The following EYA2 variants were observed in gnomAD, a reference collection of about 807,000 sequenced individuals.
EYA2 encodes protein phosphatase EYA2.
A neutral mutation model predicts 69.2 loss-of-function variants in EYA2; 31 were observed. The ratio of observed to expected loss-of-function variants is 0.45; its 90% CI spans 0.34 to 0.60. EYA2 has a LOEUF of 0.60. Ranked by LOEUF, EYA2 falls within the 20% of genes least tolerant of loss-of-function variation. The pLI is 0.02. For synonymous variants in EYA2, 257 were observed against 279.4 expected, an observed-to-expected ratio of 0.92 and a Z score of 0.80; for missense variants, 622 against 701.2, an observed-to-expected ratio of 0.89 and a Z score of 1.28.
chr20:47,126,407 C>T (rs1196297738), intron 9 of EYA2, among the ~76,000 whole-genome samples: 1 of 152,122 alleles, frequency 6.6e-6, no homozygotes, highest in Non-Finnish European at 1.5e-5. Flanking sequence ...CGTGGGTTTT[C>T]GTGAGGTTAA....
intron 9 of EYA2, among the ~76,000 whole-genome samples, chr20:47,105,033 A>T (rs186248294): frequency 6.2e-4 from 95 of 152,292 alleles, no homozygotes; most frequent in South Asian, 4.1e-3. Flanking sequence ...AAATTTTTTT[A>T]AAAAATCAAT....
intron 10 of EYA2, among the ~76,000 whole-genome samples, chr20:47,155,835 G>A (rs2033911388): frequency 6.6e-6 from 1 of 151,120 alleles, no homozygotes; most frequent in South Asian, 2.1e-4. Flanking sequence ...AGTTTGAGAT[G>A]AACTAGGAAG....
intron 10 of EYA2, among the ~76,000 whole-genome samples, chr20:47,156,121 CACACACATATATATATATATATAT>C (rs2033932558): frequency 1.2e-4 from 3 of 24,394 alleles, no homozygotes; most frequent in African/African-American, 6.4e-4. Flanking sequence ...CACACACACA[CACACACATATATATATATATATAT>C]ATATATATAT....
At chr20:46,896,768 CT>C (rs916202984) in intron 1 of EYA2, among the ~76,000 whole-genome samples, 1 of 152,048 alleles carries the variant, frequency 6.6e-6, no homozygotes, top group African/African-American at 2.4e-5. Context: ...AGAGCCTGAA[CT>C]TTTTTTTACT....
chr20:47,079,839 C>A (rs1223992994), intron 7 of EYA2, among the ~76,000 whole-genome samples: 1 of 151,888 alleles, frequency 6.6e-6, no homozygotes, highest in Non-Finnish European at 1.5e-5. Context: ...TAATGTGAGC[C>A]TGAGTTTTTT....
intron 4 of EYA2, among the ~76,000 whole-genome samples, chr20:47,008,920 G>C (rs955581583): frequency 6.6e-6 from 1 of 152,214 alleles, no homozygotes; most frequent in African/African-American, 2.4e-5. Flanking sequence ...GGCCCAGGTG[G>C]TAAATACTTT....
At chr20:47,009,484 A>G (rs901651925) in intron 4 of EYA2, among the ~76,000 whole-genome samples, 6 of 152,358 alleles carry the variant, frequency 3.9e-5, no homozygotes, top group Admixed American at 1.3e-4. Flanking sequence ...TTAAAGACAT[A>G]CATAATAGAG....
chr20:47,159,557 ACAG>A (rs2034022187), intron 10 of EYA2, among the ~76,000 whole-genome samples: 1 of 152,064 alleles, frequency 6.6e-6, no homozygotes, highest in African/African-American at 2.4e-5. Context: ...TAAGTAATTG[ACAG>A]TAGTTAACAC....
At chr20:46,969,585 G>T (rs1214276174) in intron 1 of EYA2, among the ~76,000 whole-genome samples, 2 of 152,106 alleles carry the variant, frequency 1.3e-5, no homozygotes, top group African/African-American at 2.4e-5. Context: ...TGTTGTTGTT[G>T]TTTTTTATTT....
Position 47,123,820 on chromosome 20 carries a change from C to T in EYA2, c.889-19239C>T, listed in dbSNP as rs149676341. Among the ~76,000 whole-genome samples, 1,357 of 151,992 alleles carry T rather than the reference C, an allele frequency of 8.9e-3. 17 individuals carry two copies. Among genetic ancestry groups the T allele is most frequent in the African/African-American group, 0.03 (1,259 of 41,432 alleles). On this transcript the variant is annotated intron_variant, in intron 9 of 15. Coordinates refer to ENST00000327619, the MANE Select transcript of EYA2 (RefSeq NM_005244.5). ...AGCCTGGCCAACATGGTGAAACCCC[C>T]GTCTCTACTAAAAATACAAAAATTA...
At chr20:47,037,951 A>G (rs1255785294) in intron 5 of EYA2, among the ~76,000 whole-genome samples, 3 of 152,210 alleles carry the variant, frequency 2.0e-5, no homozygotes, top group Admixed American at 6.5e-5. Flanking sequence ...ACACGTGTTC[A>G]TCATTCAACA....
chr20:47,099,064 G>A (rs2032350315), intron 9 of EYA2, among the ~76,000 whole-genome samples: 1 of 152,236 alleles, frequency 6.6e-6, no homozygotes, highest in Admixed American at 6.5e-5. Flanking sequence ...GGAGGGAAAG[G>A]AAGCCAATAC....
chr20:46,904,119 G>A (rs1052448799), intron 1 of EYA2, among the ~76,000 whole-genome samples: 2 of 152,104 alleles, frequency 1.3e-5, no homozygotes, highest in African/African-American at 2.4e-5. Context: ...CATCACTCAC[G>A]GACTGCCATC....
intron 1 of EYA2, among the ~76,000 whole-genome samples, chr20:46,982,775 CTTTTT>C (rs10701469): frequency 7.3e-6 from 1 of 137,406 alleles, no homozygotes; most frequent in Non-Finnish European, 1.5e-5. Flanking sequence ...CTGTAATTTC[CTTTTT>C]TTTTTTTTTT....
At chr20:47,182,255 T>C (rs2034551277) in intron 14 of EYA2, among the ~76,000 whole-genome samples, 1 of 151,888 alleles carries the variant, frequency 6.6e-6, no homozygotes, top group African/African-American at 2.4e-5. Flanking sequence ...CCTCAGGTGA[T>C]CCATCTGCCT....
chr20:46,921,458 C>T lies in EYA2; in HGVS notation c.-11+26471C>T, dbSNP rs918188797. Reference sequence around the variant, plus strand: ...TTTTCTTTTCTTTCTTCTCCTTTCTCGTTTCTACTGCACCTTCAGGCCATT... The same window carrying T: ...TTTTCTTTTCTTTCTTCTCCTTTCTTGTTTCTACTGCACCTTCAGGCCATT... On this transcript the variant is annotated intron_variant, in intron 1 of 15. Coordinates refer to ENST00000327619, the MANE Select transcript of EYA2 (RefSeq NM_005244.5). Among the ~76,000 whole-genome samples the T allele has an allele frequency of 2.6e-5, 4 of 152,220 alleles. No individual in the cohort carries two copies. The South Asian group carries it at 6.2e-4, about 24-fold the overall frequency.
At chr20:46,897,186 T>G (rs1288679707) in intron 1 of EYA2, among the ~76,000 whole-genome samples, 1 of 152,198 alleles carries the variant, frequency 6.6e-6, no homozygotes, top group Non-Finnish European at 1.5e-5. Flanking sequence ...TGCTTTAAAT[T>G]GCGTGTAAGA....
At chr20:46,934,610 A>G (rs1001015948) in intron 1 of EYA2, among the ~76,000 whole-genome samples, 1 of 152,210 alleles carries the variant, frequency 6.6e-6, no homozygotes, top group Non-Finnish European at 1.5e-5. Flanking sequence ...GGATGCTGCT[A>G]GGGAAGAGGA....
At chr20:47,077,765 A>G (rs905727243) in intron 7 of EYA2, among the ~76,000 whole-genome samples, 3 of 152,232 alleles carry the variant, frequency 2.0e-5, no homozygotes, top group Non-Finnish European at 2.9e-5. Flanking sequence ...AGAATATTTA[A>G]TGATGCATAG....
Sources: gnomAD v4.1 joint callset for allele counts (sites outside exome capture counted in the v4.1 genomes callset) on GRCh38, gnomAD v4.1.1 for gene constraint, MANE v1.5 for transcripts, NCBI Gene and HGNC (gene_info 2026-07-23, HGNC 2026-07-21) for gene names.